The following CHCHD6 variants were observed in gnomAD, a reference collection of about 807,000 sequenced individuals.
CHCHD6 encodes the protein MICOS complex subunit MIC25.
Under a neutral mutation model 32.3 loss-of-function variants are expected in CHCHD6, and 28 were observed. The observed-to-expected ratio is 0.87, with a 90% CI of 0.64 to 1.19. The LOEUF (loss-of-function observed/expected upper bound fraction) is 1.19, where lower values mean the gene tolerates loss of function less well. Among genes scored for constraint, CHCHD6 ranks in the 50% most tolerant of loss-of-function variants. The probability of loss-of-function intolerance (pLI) is 0.00; values close to 1 mark genes in which losing one functional copy is unlikely to be tolerated. For missense variants in CHCHD6, 333 were observed against 307.0 expected (o/e 1.08, Z -0.63); for synonymous variants, 122 against 117.5 (o/e 1.04, Z -0.25).
At chr3:126,930,754 T>C (rs2078392414) in intron 6 of CHCHD6, among the ~76,000 whole-genome samples, 1 of 152,240 alleles carries the variant, frequency 6.6e-6, no homozygotes, top group Non-Finnish European at 1.5e-5. Flanking sequence ...TATCCATCCC[T>C]ACCCCTTCCC....
chr3:126,835,392 C>G (rs896154105), intron 4 of CHCHD6, among the ~76,000 whole-genome samples: 4 of 152,192 alleles, frequency 2.6e-5, no homozygotes, highest in African/African-American at 9.7e-5. Flanking sequence ...GGCCACTTCT[C>G]TGACTCCCTT....
intron 4 of CHCHD6, among the ~76,000 whole-genome samples, chr3:126,801,529 A>G (rs1939070637): frequency 6.6e-6 from 1 of 152,244 alleles, no homozygotes; most frequent in Admixed American, 6.5e-5. Context: ...GACATTGCCC[A>G]GGCTTGCTTA....
In CHCHD6 at chr3:126,928,935, T is replaced by G. The variant is rs537434275; in HGVS notation, c.566+14185T>G. ...ACTTCCTCTGCTGGAACAAGTTCAG[T>G]TGCCAGTGCCCATCCTCACACCTCC... On this transcript the variant is annotated intron_variant, in intron 6 of 7. Coordinates refer to ENST00000290913, the MANE Select transcript of CHCHD6 (RefSeq NM_032343.3). Among the ~76,000 whole-genome samples, 9 of 152,324 alleles carry G rather than the reference T, an allele frequency of 5.9e-5. No homozygotes were observed. The South Asian group carries it at 1.9e-3, about 32-fold the overall frequency.
At chr3:126,848,021 C>G (rs1041812454) in intron 4 of CHCHD6, among the ~76,000 whole-genome samples, 3 of 152,188 alleles carry the variant, frequency 2.0e-5, no homozygotes, top group Non-Finnish European at 4.4e-5. Context: ...ACTCTCTTCT[C>G]CAGGCTGGAG....
At chr3:126,796,438 C>T (rs1249912443) in intron 4 of CHCHD6, among the ~76,000 whole-genome samples, 1 of 152,326 alleles carries the variant, frequency 6.6e-6, no homozygotes, top group Middle Eastern at 3.4e-3. Flanking sequence ...ACCTCTCCTT[C>T]ACTCTCTCAC....
chr3:126,802,563 G>T (rs979890329), intron 4 of CHCHD6, among the ~76,000 whole-genome samples: 1 of 152,214 alleles, frequency 6.6e-6, no homozygotes, highest in African/African-American at 2.4e-5. Flanking sequence ...ATGGGACTAT[G>T]TGAAAAGACC....
chr3:126,825,767 C>T (rs1326059620), intron 4 of CHCHD6, among the ~76,000 whole-genome samples: 3 of 152,126 alleles, frequency 2.0e-5, no homozygotes, highest in Admixed American at 2.0e-4. Context: ...TTCACCTTCT[C>T]ACGCTCTTTA....
At chr3:126,820,535 A>G (rs909210254) in intron 4 of CHCHD6, among the ~76,000 whole-genome samples, 1 of 152,220 alleles carries the variant, frequency 6.6e-6, no homozygotes, top group Non-Finnish European at 1.5e-5. Context: ...AGGTTCACCC[A>G]TGTATTTAGC....
chr3:126,960,279 T>C lies in CHCHD6; in HGVS notation c.*78T>C. 1 of 1,524,838 alleles carries C rather than the reference T, an allele frequency of 6.6e-7. No homozygotes were observed. The highest frequency in any genetic ancestry group is 8.9e-7 in the Non-Finnish European group (1 of 1,124,702). 94.5% of individuals were successfully genotyped at this position (1,524,838 alleles called of 1,614,324 possible). A position where few individuals can be genotyped will look rare whatever the true frequency, so the allele number is the denominator to read the frequency against. On this transcript the variant is annotated 3_prime_UTR_variant, in exon 8 of 8. Transcript: ENST00000290913. ...ACCAATCATGGGACCACAGCCACTGTGCCCTGCCGTTTCCTGCTGGGCCCC... is the reference window on the plus strand; with the variant it reads ...ACCAATCATGGGACCACAGCCACTGCGCCCTGCCGTTTCCTGCTGGGCCCC...
chr3:126,830,047 G>A (rs147227510), intron 4 of CHCHD6, among the ~76,000 whole-genome samples: 2,752 of 152,264 alleles, frequency 0.018, 31 homozygotes, highest in Middle Eastern at 0.051. Context: ...GCAGTGAGCC[G>A]AGATCGCACC....
At chr3:126,756,120 T>C (rs1936948618) in intron 4 of CHCHD6, among the ~76,000 whole-genome samples, 1 of 152,114 alleles carries the variant, frequency 6.6e-6, no homozygotes, top group Non-Finnish European at 1.5e-5. Flanking sequence ...ACATTGCAGC[T>C]GGAACACAGG....
intron 5 of CHCHD6, among the ~76,000 whole-genome samples, chr3:126,883,230 T>C (rs1022830576): frequency 6.6e-6 from 1 of 152,184 alleles, no homozygotes; most frequent in African/African-American, 2.4e-5. Context: ...CCTCTGTGTT[T>C]CCCCGAGTTC....
intron 4 of CHCHD6, among the ~76,000 whole-genome samples, chr3:126,736,066 G>C (rs558686759): frequency 6.6e-6 from 1 of 152,188 alleles, no homozygotes; most frequent in African/African-American, 2.4e-5. Flanking sequence ...AAGAAGGGGG[G>C]CTCCCTTTGG....
intron 4 of CHCHD6, among the ~76,000 whole-genome samples, chr3:126,792,187 A>G (rs184215496): frequency 1.9e-4 from 29 of 150,878 alleles, no homozygotes; most frequent in African/African-American, 6.6e-4. Flanking sequence ...GTTGGTGTAC[A>G]AATATCTGTT....
At chr3:126,709,005 T>A (rs1576321632) in intron 1 of CHCHD6, among the ~76,000 whole-genome samples, 1 of 152,142 alleles carries the variant, frequency 6.6e-6, no homozygotes, top group African/African-American at 2.4e-5. Flanking sequence ...TGGAAAATGG[T>A]GTATTTGCAT....
At chr3:126,790,152 C>G (rs932087249) in intron 4 of CHCHD6, among the ~76,000 whole-genome samples, 1 of 152,008 alleles carries the variant, frequency 6.6e-6, no homozygotes, top group Admixed American at 6.5e-5. Context: ...AATATCGGCC[C>G]CCACTCTCTT....
chr3:126,721,205 C>T (rs1310541502), intron 1 of CHCHD6, among the ~76,000 whole-genome samples: 1 of 152,178 alleles, frequency 6.6e-6, no homozygotes, highest in African/African-American at 2.4e-5. Flanking sequence ...TTCAGCGTCT[C>T]CTCGGGATGG....
intron 4 of CHCHD6, among the ~76,000 whole-genome samples, chr3:126,759,259 A>C (rs1463823456): frequency 6.6e-6 from 1 of 152,260 alleles, no homozygotes; most frequent in Non-Finnish European, 1.5e-5. Flanking sequence ...TTATTGAGTC[A>C]TGTAAGAGTT....
intron 5 of CHCHD6, among the ~76,000 whole-genome samples, chr3:126,902,586 G>A (rs564357908): frequency 2.5e-4 from 38 of 151,918 alleles, no homozygotes; most frequent in Non-Finnish European, 4.1e-4. Flanking sequence ...GCATGGTGGC[G>A]GGCACCTGTA....
Sources: gnomAD v4.1 joint callset for allele counts (sites outside exome capture counted in the v4.1 genomes callset) on GRCh38, gnomAD v4.1.1 for gene constraint, MANE v1.5 for transcripts, NCBI Gene and HGNC (gene_info 2026-07-23, HGNC 2026-07-21) for gene names.